The following NPHP1 variants were observed in gnomAD, a reference collection of about 807,000 sequenced individuals.
NPHP1 encodes nephrocystin 1.
A neutral mutation model predicts 90.4 loss-of-function variants in NPHP1; 70 were observed. The ratio of observed to expected loss-of-function variants is 0.77; its 90% CI spans 0.64 to 0.95. The LOEUF (loss-of-function observed/expected upper bound fraction) is 0.95. NPHP1 is among the 40% of genes least tolerant of loss of function. The probability of loss-of-function intolerance (pLI) is 0.00; values close to 1 mark genes in which losing one functional copy is unlikely to be tolerated. For missense variants in NPHP1, 764 were observed against 795.9 expected (o/e 0.96, Z 0.48); for synonymous variants, 256 against 271.7 (o/e 0.94, Z 0.57).
intron 10 of NPHP1, among the ~76,000 whole-genome samples, chr2:110,160,906 C>G (rs1682263626): frequency 6.6e-6 from 1 of 152,110 alleles, no homozygotes; most frequent in African/African-American, 2.4e-5. Context: ...GTGGCTCACA[C>G]TTGTAATCCT....
intron 19 of NPHP1, chr2:110,124,571 G>C: frequency 4.6e-6 from 1 of 218,994 alleles, no homozygotes; most frequent in East Asian, 9.9e-5. Context: ...TGATGAGGAT[G>C]TCAGACCCTT....
intron 16 of NPHP1, among the ~76,000 whole-genome samples, chr2:110,132,350 A>G (rs1679848255): frequency 6.6e-6 from 1 of 152,194 alleles, no homozygotes; most frequent in Non-Finnish European, 1.5e-5. Context: ...GGTTACTAAA[A>G]GGATTAAAAT....
rs1388373598 is a variant in NPHP1 at position 110,201,476 on chromosome 2, CAGAA to C, written c.84_87del (p.Ser29ArgfsTer4). On this transcript the variant is annotated frameshift_variant, in exon 2 of 20. Coordinates refer to ENST00000445609, the MANE Select transcript of NPHP1 (RefSeq NM_001128178.3). LOFTEE classifies it high-confidence loss of function. Reference sequence around the variant, plus strand: ...TCTAGAGCTTCTTTCAGTTGGCTCTCAGAAAGCAAACTATCAACCTATGGAGACC... The same window carrying C: ...TCTAGAGCTTCTTTCAGTTGGCTCTCAGCAAACTATCAACCTATGGAGACC... 2.5e-6 allele frequency: 4 copies of C among 1,610,034 alleles called. No homozygotes were observed. Among genetic ancestry groups the C allele is most frequent in the Non-Finnish European group, 3.4e-6 (4 of 1,177,570 alleles).
At chr2:110,176,702 G>T (rs1220621145) in intron 4 of NPHP1, among the ~76,000 whole-genome samples, 1 of 152,128 alleles carries the variant, frequency 6.6e-6, no homozygotes, top group African/African-American at 2.4e-5. Flanking sequence ...GATCATGGTT[G>T]TTACTCTCAG....
At chr2:110,145,165 C>T (rs1056944457) in intron 14 of NPHP1, among the ~76,000 whole-genome samples, 1 of 152,124 alleles carries the variant, frequency 6.6e-6, no homozygotes, top group Non-Finnish European at 1.5e-5. Flanking sequence ...TAACACTCTA[C>T]ATGCTTTTCT....
intron 1 of NPHP1, among the ~76,000 whole-genome samples, chr2:110,203,122 C>T (rs1559112776): frequency 6.6e-6 from 1 of 152,076 alleles, no homozygotes; most frequent in Non-Finnish European, 1.5e-5. Context: ...TCCTTTGCAG[C>T]AACATGGATG....
At chr2:110,194,228 T>C (rs1172385679) in intron 2 of NPHP1, among the ~76,000 whole-genome samples, 2 of 151,878 alleles carry the variant, frequency 1.3e-5, no homozygotes, top group Non-Finnish European at 1.5e-5. Context: ...GCTGGTTTTT[T>C]GAAAAGATCA....
chr2:110,174,877 G>A (rs1457518559), intron 4 of NPHP1, among the ~76,000 whole-genome samples: 1 of 151,236 alleles, frequency 6.6e-6, no homozygotes, highest in African/African-American at 2.4e-5. Context: ...GCGCTGAAGA[G>A]CCATGTGGTA....
chr2:110,201,431 T>A lies in NPHP1; in HGVS notation c.133A>T (p.Ile45Phe). 6.2e-7 allele frequency: 1 copy of A among 1,605,012 alleles called. No homozygotes were observed. Among genetic ancestry groups the A allele is most frequent in the Non-Finnish European group, 8.5e-7 (1 of 1,173,250 alleles). The change falls in exon 2 of 20, where the codon ATT (isoleucine) becomes TTT (phenylalanine). Residue 45 changes from isoleucine (I) to phenylalanine (F), a missense_variant. Transcript: ENST00000445609. ...TTTAGCATACTTTACCTTTGATAAA[T>A]ATGTTGTCTTTTATTGGGTTCTAGA... The part of the protein sequence containing the change: ...EALEPNKRQH[I>F]YQRCIQLKQA...
At chr2:110,197,951 C>A (rs1574208769) in intron 2 of NPHP1, among the ~76,000 whole-genome samples, 1 of 152,078 alleles carries the variant, frequency 6.6e-6, no homozygotes, top group Non-Finnish European at 1.5e-5. Flanking sequence ...TTAAAATCCT[C>A]AAACAGTTGA....
chr2:110,181,090 T>C (rs957118498), intron 2 of NPHP1, among the ~76,000 whole-genome samples: 1 of 152,150 alleles, frequency 6.6e-6, no homozygotes, highest in Non-Finnish European at 1.5e-5. Flanking sequence ...TAAGACCCAC[T>C]GGCTTGGAAT....
At position 110,166,338 on chromosome 2, in the gene NPHP1, C is replaced by T. The variant is rs150450280; in HGVS notation, c.625-1183G>A. Among the ~76,000 whole-genome samples, 5 of 152,264 alleles carry T rather than the reference C, an allele frequency of 3.3e-5. No homozygotes were observed. In the East Asian group the frequency reaches 9.6e-4, roughly 29 times the overall value. On this transcript the variant is annotated intron_variant, in intron 6 of 19. Transcript: ENST00000445609. ...TGCTGGCTGGCTACCACCTATTCCC[C>T]ACCTCCTTTTTCAAACAAAATCCCT...
At position 110,169,853 on chromosome 2, in the gene NPHP1, C is replaced by T. The variant is rs372855293; in HGVS notation, c.475G>A (p.Ala159Thr). Reference protein sequence around the residue: ...HKWSTGEEYIAVGDFTAQQVG... With the variant: ...HKWSTGEEYITVGDFTAQQVG... ...TGCTGAGCAGTAAAATCTCCAACAG[C>T]GATGTATTCTTCACCGGTTGACCAT... The change falls in exon 5 of 20, where the codon GCT (alanine) becomes ACT (threonine). Residue 159 changes from alanine (A) to threonine (T), a missense_variant. Coordinates refer to ENST00000445609, the MANE Select transcript of NPHP1 (RefSeq NM_001128178.3). 21 of 1,613,596 alleles carry T rather than the reference C, an allele frequency of 1.3e-5. No individual in the cohort carries two copies. Among genetic ancestry groups the T allele is most frequent in the Middle Eastern group, 3.3e-4 (2 of 6,080 alleles).
chr2:110,129,036 A>T, intron 18 of NPHP1, 150 bp downstream of exon 18: 1 of 667,814 alleles, frequency 1.5e-6, no homozygotes, highest in East Asian at 2.7e-5. Context: ...AAGATGGGAA[A>T]GATGAGGACT....
At chr2:110,125,876 C>T in intron 18 of NPHP1, 195 bp from the exon 19 acceptor site, 1 of 609,772 alleles carries the variant, frequency 1.6e-6, no homozygotes, top group Non-Finnish European at 2.9e-6. Flanking sequence ...GCAGATGTAT[C>T]TGTGAAAAAT....
At chr2:110,154,392 G>C (rs1489079363) in intron 11 of NPHP1, among the ~76,000 whole-genome samples, 1 of 152,178 alleles carries the variant, frequency 6.6e-6, no homozygotes, top group Non-Finnish European at 1.5e-5. Context: ...TTGGGACCAG[G>C]AGTAGGGTGT....
intron 15 of NPHP1, 54 bp downstream of exon 15, chr2:110,144,439 T>C (rs1032226672): frequency 8.8e-6 from 10 of 1,142,180 alleles, no homozygotes; most frequent in Non-Finnish European, 1.2e-5. Flanking sequence ...ACCTCTCAGA[T>C]GCTTCTATTT....
intron 11 of NPHP1, among the ~76,000 whole-genome samples, chr2:110,158,338 T>C (rs992147894): frequency 6.6e-6 from 1 of 152,128 alleles, no homozygotes; most frequent in Non-Finnish European, 1.5e-5. Context: ...TATACAGTTC[T>C]CTTACATCCT....
chr2:110,134,299 G>C (rs1421539943), intron 16 of NPHP1, among the ~76,000 whole-genome samples: 3 of 151,812 alleles, frequency 2.0e-5, no homozygotes, highest in Non-Finnish European at 4.4e-5. Flanking sequence ...GAATCACAAA[G>C]AAATAGAAAA....
Sources: gnomAD v4.1 joint callset for allele counts (sites outside exome capture counted in the v4.1 genomes callset) on GRCh38, gnomAD v4.1.1 for gene constraint, MANE v1.5 for transcripts, NCBI Gene and HGNC (gene_info 2026-07-23, HGNC 2026-07-21) for gene names.